YES1: variants seen among roughly 807,000 people sequenced by gnomAD.
YES1 encodes the protein tyrosine-protein kinase Yes.
YES1 carries 39 observed loss-of-function variants against 70.4 expected under a neutral mutation model. The ratio of observed to expected loss-of-function variants is 0.55; its 90% CI spans 0.43 to 0.72. The LOEUF is 0.72. Among genes scored for constraint, YES1 ranks in the 30% least tolerant of loss-of-function variants. The pLI, the probability that YES1 is intolerant of heterozygous loss-of-function variation, is 0.00. For synonymous variants in YES1, 198 were observed against 218.6 expected (o/e 0.91, Z 0.83); for missense variants, 495 against 644.8 (o/e 0.77, Z 2.52).
intron 8 of YES1, 62 bp downstream of exon 8, chr18:742,856 T>A: frequency 7.2e-7 from 1 of 1,394,020 alleles, no homozygotes; most frequent in Non-Finnish European, 9.6e-7. Context: ...TCTATATGCA[T>A]ACAAATCAAG....
Position 722,290 on chromosome 18 carries a change from A to C in YES1, c.*2134T>G, listed in dbSNP as rs150118620. On this transcript the variant is annotated 3_prime_UTR_variant, in exon 12 of 12. Transcript: ENST00000314574. The stretch of plus-strand genomic sequence containing the variant: ...CCTCTTGGTAGAGAGTGTCAATACT[A>C]AGCAGGTTACGTAAACAGAAAAAAC... The C allele has an allele frequency of 5.3e-4, 81 of 152,762 alleles. No individual in the cohort carries two copies. The highest frequency in any genetic ancestry group is 1.7e-3 in the African/African-American group (70 of 41,572). 9.5% of individuals were successfully genotyped at this position (152,762 alleles called of 1,614,324 possible).
intron 1 of YES1, among the ~76,000 whole-genome samples, chr18:786,369 T>A (rs59184545): frequency 0.084 from 12,777 of 151,996 alleles, 726 homozygotes; most frequent in East Asian, 0.26. Flanking sequence ...CATAAGAGTG[T>A]CAAGTTTGAG....
chr18:741,717 C>T (rs528989968), intron 8 of YES1, among the ~76,000 whole-genome samples: 1 of 152,172 alleles, frequency 6.6e-6, no homozygotes, highest in Admixed American at 6.6e-5. Flanking sequence ...ATGAGAGGAT[C>T]GCTTGAGCCC....
intron 1 of YES1, among the ~76,000 whole-genome samples, chr18:791,900 C>T (rs1219357420): frequency 6.6e-6 from 1 of 151,868 alleles, no homozygotes; most frequent in Admixed American, 6.6e-5. Flanking sequence ...ACTAAAAATA[C>T]AAAAATCAGC....
At chr18:792,991 T>C (rs1906346723) in intron 1 of YES1, among the ~76,000 whole-genome samples, 1 of 151,744 alleles carries the variant, frequency 6.6e-6, no homozygotes, top group African/African-American at 2.4e-5. Flanking sequence ...CACAGCTTAA[T>C]GGCAAACAAT....
intron 1 of YES1, among the ~76,000 whole-genome samples, chr18:790,968 G>A (rs541767474): frequency 6.6e-6 from 1 of 152,206 alleles, no homozygotes; most frequent in African/African-American, 2.4e-5. Context: ...TTAAAGTCTA[G>A]GCTGGGTGCA....
intron 1 of YES1, among the ~76,000 whole-genome samples, chr18:790,479 TTATTA>T (rs1195738028): frequency 6.6e-6 from 1 of 152,146 alleles, no homozygotes; most frequent in East Asian, 1.9e-4. Context: ...TAATTTCCTC[TTATTA>T]TAACAAAAAA....
At chr18:762,791 G>A (rs1053176022) in intron 1 of YES1, among the ~76,000 whole-genome samples, 1 of 152,130 alleles carries the variant, frequency 6.6e-6, no homozygotes, top group Admixed American at 6.5e-5. Flanking sequence ...TTGTATATTA[G>A]ACACTGTAAA....
At chr18:793,651 T>C (rs1411242335) in intron 1 of YES1, among the ~76,000 whole-genome samples, 1 of 151,996 alleles carries the variant, frequency 6.6e-6, no homozygotes, top group African/African-American at 2.4e-5. Context: ...TGATCCCTTA[T>C]ACAAAAAAAG....
intron 1 of YES1, among the ~76,000 whole-genome samples, chr18:803,696 A>C (rs1374431326): frequency 6.6e-6 from 1 of 152,198 alleles, no homozygotes; most frequent in Non-Finnish European, 1.5e-5. Flanking sequence ...TGATTTTTAA[A>C]TAGTGAGGAG....
At chr18:768,854 C>T (rs1485103219) in intron 1 of YES1, among the ~76,000 whole-genome samples, 1 of 152,032 alleles carries the variant, frequency 6.6e-6, no homozygotes, top group African/African-American at 2.4e-5. Flanking sequence ...AGGCATCTGC[C>T]ACCACGCCTG....
chr18:734,743 A>G (rs1005923769), intron 10 of YES1, among the ~76,000 whole-genome samples: 11 of 152,140 alleles, frequency 7.2e-5, no homozygotes, highest in African/African-American at 2.4e-4. Context: ...ACATTTTTCC[A>G]CTGATGGTGG....
intron 1 of YES1, among the ~76,000 whole-genome samples, chr18:773,992 C>T (rs1162840874): frequency 2.0e-5 from 3 of 151,976 alleles, no homozygotes; most frequent in African/African-American, 4.8e-5. Flanking sequence ...CCATCTTGCC[C>T]GGCTAATTTT....
intron 11 of YES1, among the ~76,000 whole-genome samples, chr18:727,523 TGC>T (rs1474269143): frequency 2.6e-5 from 4 of 152,198 alleles, no homozygotes; most frequent in African/African-American, 9.6e-5. Context: ...TCTCCTCTCT[TGC>T]TTTTTAATTT....
chr18:809,835 T>G (rs572642202), intron 1 of YES1, among the ~76,000 whole-genome samples: 1 of 152,124 alleles, frequency 6.6e-6, no homozygotes, highest in Non-Finnish European at 1.5e-5. Flanking sequence ...TAGGGCTTAA[T>G]GAATTACACT....
intron 1 of YES1, among the ~76,000 whole-genome samples, chr18:770,002 G>T (rs1905082837): frequency 6.7e-6 from 1 of 149,874 alleles, no homozygotes; most frequent in African/African-American, 2.5e-5. Flanking sequence ...GCCCAGACTG[G>T]GAGTGCAGTG....
chr18:758,174 T>C (rs1395021031), intron 1 of YES1, among the ~76,000 whole-genome samples: 1 of 152,232 alleles, frequency 6.6e-6, no homozygotes, highest in Non-Finnish European at 1.5e-5. Context: ...AAAACATTTA[T>C]TTCAACATGT....
intron 1 of YES1, among the ~76,000 whole-genome samples, chr18:764,190 G>A (rs1409022087): frequency 2.0e-5 from 3 of 151,634 alleles, no homozygotes; most frequent in Admixed American, 6.6e-5. Context: ...CTTACTATAC[G>A]TGTATTAAGG....
In YES1 at chr18:732,812, G is replaced by C. The variant is rs4084145; in HGVS notation, c.1423+22C>G. ...ATAAAGCCACTCATGAGATAACCAAGAGCTATAAAATGCAAGCTTACCTGG... is the reference window on the plus strand; with the variant it reads ...ATAAAGCCACTCATGAGATAACCAACAGCTATAAAATGCAAGCTTACCTGG... On this transcript the variant is annotated intron_variant, in intron 11 of 11. Coordinates refer to ENST00000314574, the MANE Select transcript of YES1 (RefSeq NM_005433.4). 4,489 of 1,613,936 alleles carry C rather than the reference G, an allele frequency of 2.8e-3. 113 individuals are homozygous for C. The African/African-American group carries it at 0.051, about 18-fold the overall frequency.
Sources: allele counts gnomAD v4.1 joint callset (sites outside exome capture counted in the v4.1 genomes callset), GRCh38; gene constraint gnomAD v4.1.1; transcripts MANE v1.5; gene names NCBI Gene and HGNC (gene_info 2026-07-23, HGNC 2026-07-21).